C4orf36: variants seen among roughly 807,000 people sequenced by gnomAD.
The protein encoded by C4orf36 is chromosome 4 open reading frame 36, also known as uncharacterized protein C4orf36.
A neutral mutation model predicts 12.2 loss-of-function variants in C4orf36; 11 were observed. The ratio of observed to expected loss-of-function variants is 0.90; its 90% CI spans 0.57 to 1.49. The LOEUF is 1.49. Ranked by LOEUF, C4orf36 falls within the 40% of genes most tolerant of loss-of-function variation. The pLI is 0.00. For missense variants in C4orf36, 137 were observed against 133.9 expected (o/e 1.02, Z -0.11); for synonymous variants, 54 against 51.3 (o/e 1.05, Z -0.22).
the C4orf36 span, among the ~76,000 whole-genome samples, chr4:86,904,600 A>T: frequency 1.3e-5 from 2 of 151,696 alleles, no homozygotes; most frequent in African/African-American, 4.8e-5. Context: ...AAAAAAAAAA[A>T]AAAAAGTTGT....
chr4:86,920,020 T>A, the C4orf36 span, among the ~76,000 whole-genome samples: 1 of 152,130 alleles, frequency 6.6e-6, no homozygotes, highest in African/African-American at 2.4e-5. Flanking sequence ...CAGAGCAAGA[T>A]CCTGTCTTAA....
At chr4:86,884,532 T>C (rs2149420655) in intron 4 of C4orf36, among the ~76,000 whole-genome samples, 1 of 152,146 alleles carries the variant, frequency 6.6e-6, no homozygotes, top group Non-Finnish European at 1.5e-5. Context: ...CCCAAACTCC[T>C]GGGCCCAAGC....
chr4:86,894,627 C>G (rs1170041611), upstream of C4orf36, among the ~76,000 whole-genome samples: 5 of 152,130 alleles, frequency 3.3e-5, no homozygotes, highest in African/African-American at 1.2e-4. Context: ...CATAAAATTC[C>G]TGACAATTGT....
At chr4:86,929,030 C>T in the C4orf36 span, among the ~76,000 whole-genome samples, 1,720 of 152,308 alleles carry the variant, frequency 0.011, 32 homozygotes, top group African/African-American at 0.039. Context: ...GCTCTGATAA[C>T]CTCCTATGCT....
At chr4:86,935,947 TGA>T in the C4orf36 span, 5 of 152,110 alleles carry the variant, frequency 3.3e-5, no homozygotes, top group African/African-American at 1.2e-4. Flanking sequence ...AGCCAGCGAA[TGA>T]GAGGGGAGAG....
chr4:86,895,614 A>G (rs1421703997), upstream of C4orf36, among the ~76,000 whole-genome samples: 1 of 152,264 alleles, frequency 6.6e-6, no homozygotes, highest in Non-Finnish European at 1.5e-5. Context: ...TGTATTTTAA[A>G]ATAATACAAT....
intron 4 of C4orf36, among the ~76,000 whole-genome samples, chr4:86,880,970 T>C (rs559709435): frequency 2.0e-5 from 3 of 150,922 alleles, no homozygotes; most frequent in African/African-American, 7.3e-5. Flanking sequence ...GAGGTGGAGG[T>C]TGCAGTGAGC....
upstream of C4orf36, among the ~76,000 whole-genome samples, chr4:86,895,433 G>A (rs1179383869): frequency 6.6e-6 from 1 of 152,156 alleles, no homozygotes; most frequent in Non-Finnish European, 1.5e-5. Context: ...ATTGTAGAAG[G>A]AATGTTTTAT....
chr4:86,923,763 CAAA>C, the C4orf36 span, among the ~76,000 whole-genome samples: 2 of 62,400 alleles, frequency 3.2e-5, no homozygotes, highest in African/African-American at 5.0e-5. Flanking sequence ...GACTCTGTCT[CAAA>C]AAAAAAAAAA....
At chr4:86,917,138 G>A in the C4orf36 span, among the ~76,000 whole-genome samples, 1 of 152,068 alleles carries the variant, frequency 6.6e-6, no homozygotes, top group African/African-American at 2.4e-5. Flanking sequence ...AAATTAGCTG[G>A]GCTTGGTGGC....
At chr4:86,890,977 G>A (rs995955335) in intron 2 of C4orf36, among the ~76,000 whole-genome samples, 4 of 151,450 alleles carry the variant, frequency 2.6e-5, no homozygotes, top group African/African-American at 7.4e-5. Context: ...AGCATGTGTT[G>A]TCCATCCACT....
chr4:86,914,389 T>TA, the C4orf36 span: 2 of 780,202 alleles, frequency 2.6e-6, no homozygotes, highest in Non-Finnish European at 4.0e-6. Flanking sequence ...TTCTTCTTCT[T>TA]CCTTTTTTTT....
At chr4:86,881,961 C>T (rs189237667) in intron 4 of C4orf36, among the ~76,000 whole-genome samples, 3 of 152,238 alleles carry the variant, frequency 2.0e-5, no homozygotes, top group South Asian at 2.1e-4. Flanking sequence ...TACAGGCGTG[C>T]GCCTCCATGC....
upstream of C4orf36, among the ~76,000 whole-genome samples, chr4:86,894,335 A>G (rs905212491): frequency 3.9e-5 from 6 of 152,220 alleles, no homozygotes; most frequent in African/African-American, 1.4e-4. Flanking sequence ...ACATATACAC[A>G]TACGTGTGTG....
intron 4 of C4orf36, chr4:86,887,073 T>C (rs935825835): frequency 7.2e-6 from 1 of 138,786 alleles, no homozygotes; most frequent in East Asian, 2.1e-4. Flanking sequence ...TGAGAACACT[T>C]GGACACAGGA....
intron 4 of C4orf36, among the ~76,000 whole-genome samples, chr4:86,884,401 C>T (rs1224079257): frequency 6.6e-6 from 1 of 150,448 alleles, no homozygotes; most frequent in African/African-American, 2.5e-5. Flanking sequence ...AACTACTAGG[C>T]TCAAGGGATC....
chr4:86,893,131 T>C (rs545535730), upstream of C4orf36, among the ~76,000 whole-genome samples: 2 of 152,330 alleles, frequency 1.3e-5, no homozygotes, highest in African/African-American at 2.4e-5. Context: ...AAATGCCTAA[T>C]TGATTGTGAG....
chr4:86,904,854 T>A, the C4orf36 span, among the ~76,000 whole-genome samples: 1 of 152,150 alleles, frequency 6.6e-6, no homozygotes, highest in Non-Finnish European at 1.5e-5. Context: ...TGTTAAGGAC[T>A]GAATTGTGCC....
At chr4:86,912,762 G>A in the C4orf36 span, among the ~76,000 whole-genome samples, 2 of 152,110 alleles carry the variant, frequency 1.3e-5, no homozygotes, top group South Asian at 4.1e-4. Flanking sequence ...ACATATAAAT[G>A]TGTATGAATA....
Sources: allele counts gnomAD v4.1 joint callset (sites outside exome capture counted in the v4.1 genomes callset), GRCh38; gene constraint gnomAD v4.1.1; transcripts MANE v1.5; gene names NCBI Gene and HGNC (gene_info 2026-07-23, HGNC 2026-07-21).